DCAF8L2: variants seen among roughly 807,000 people sequenced by gnomAD.
DCAF8L2 encodes the protein DDB1- and CUL4-associated factor 8-like protein 2.
For synonymous variants in DCAF8L2, 200 were observed against 190.9 expected (o/e 1.05, Z -0.39); for missense variants, 430 against 490.7 (o/e 0.88, Z 1.17).
chrX:27,471,735 T>C, the DCAF8L2 span, among the ~76,000 whole-genome samples: 2 of 111,315 alleles, frequency 1.8e-5, no homozygotes. Context: ...ATTGTCTTAT[T>C]CTGCTCTCAT....
intron 2 of DCAF8L2, among the ~76,000 whole-genome samples, chrX:27,639,194 A>G: frequency 8.9e-6 from 1 of 112,079 alleles, no homozygotes; most frequent in Non-Finnish European, 1.9e-5. Context: ...ACAGAAAGAC[A>G]AACATTGCAT....
intron 2 of DCAF8L2, among the ~76,000 whole-genome samples, chrX:27,673,734 A>T (rs1369576461): frequency 9.2e-6 from 1 of 108,489 alleles, no homozygotes; most frequent in Non-Finnish European, 1.9e-5. Context: ...CATATACTAC[A>T]TGTATATGTC....
At chrX:27,653,617 T>C (rs1308476541) in intron 2 of DCAF8L2, among the ~76,000 whole-genome samples, 1 of 109,884 alleles carries the variant, frequency 9.1e-6, no homozygotes, top group East Asian at 2.9e-4. Flanking sequence ...TCCTACTGAG[T>C]ACACGTATAT....
chrX:27,590,991 T>TTATATATATATATATATA (rs10571931), intron 1 of DCAF8L2, among the ~76,000 whole-genome samples: 3,480 of 67,631 alleles, frequency 0.051, 190 homozygotes, highest in Non-Finnish European at 0.078. Context: ...CCTTTACATT[T>TTATATATATATATATATA]TATATATATA....
At chrX:27,673,731 T>A (rs1217379090) in intron 2 of DCAF8L2, among the ~76,000 whole-genome samples, 1 of 108,614 alleles carries the variant, frequency 9.2e-6, no homozygotes, top group Non-Finnish European at 1.9e-5. Context: ...ACACATATAC[T>A]ACATGTATAT....
At chrX:27,677,423 G>T (rs1930177758) in intron 2 of DCAF8L2, among the ~76,000 whole-genome samples, 1 of 112,040 alleles carries the variant, frequency 8.9e-6, no homozygotes, top group Non-Finnish European at 1.9e-5. Context: ...AATGTATTGA[G>T]AGCCTGTGAG....
the DCAF8L2 span, among the ~76,000 whole-genome samples, chrX:27,502,361 T>A: frequency 4.1e-4 from 27 of 65,366 alleles, 1 homozygote; most frequent in East Asian, 6.3e-3. Flanking sequence ...TATATATATA[T>A]ATATATATAT....
Position 27,609,730 on chromosome X carries a change from C to A in DCAF8L2, c.-342+19290C>A, listed in dbSNP as rs563490898. Among the ~76,000 whole-genome samples the A allele has an allele frequency of 2.4e-4, 27 of 111,247 alleles. No homozygotes were observed. The South Asian group carries it at 3.4e-3, about 14-fold the overall frequency. On this transcript the variant is annotated intron_variant, in intron 1 of 4. Coordinates refer to ENST00000451261, the MANE Select transcript of DCAF8L2 (RefSeq NM_001353450.2). ...TAGTTATTATTTTATAATAAGAAAC[C>A]AAAATACTGTTTTCCAGTAGAGAAC...
At chrX:27,503,442 T>A in the DCAF8L2 span, among the ~76,000 whole-genome samples, 1 of 111,871 alleles carries the variant, frequency 8.9e-6, no homozygotes, top group East Asian at 2.8e-4. Flanking sequence ...CTTGTGTATT[T>A]ACATCTGTGA....
the DCAF8L2 span, among the ~76,000 whole-genome samples, chrX:27,515,256 A>G: frequency 8.9e-6 from 1 of 112,406 alleles, no homozygotes; most frequent in Admixed American, 9.5e-5. Context: ...TACAACACAA[A>G]ATTATGCTAA....
intron 2 of DCAF8L2, among the ~76,000 whole-genome samples, chrX:27,648,525 A>T (rs1340404165): frequency 3.2e-5 from 1 of 31,602 alleles, no homozygotes; most frequent in African/African-American, 1.9e-4. Context: ...TGTATTATTT[A>T]TATATATATA....
the DCAF8L2 span, among the ~76,000 whole-genome samples, chrX:27,537,492 G>A: frequency 8.9e-6 from 1 of 112,236 alleles, no homozygotes; most frequent in African/African-American, 3.2e-5. Flanking sequence ...GAATTGAGAA[G>A]CTAAATTGTG....
chrX:27,502,657 G>C, the DCAF8L2 span, among the ~76,000 whole-genome samples: 3 of 109,594 alleles, frequency 2.7e-5, no homozygotes, highest in Non-Finnish European at 3.8e-5. Context: ...TAAAATCTAT[G>C]TTTAAAACTT....
the DCAF8L2 span, among the ~76,000 whole-genome samples, chrX:27,558,264 T>C: frequency 8.9e-6 from 1 of 112,012 alleles, no homozygotes; most frequent in Non-Finnish European, 1.9e-5. Flanking sequence ...GAAGCAGCCT[T>C]ACTTCCTCCT....
At chrX:27,696,258 A>AAGAG (rs1201774659) in intron 3 of DCAF8L2, among the ~76,000 whole-genome samples, 224 of 89,208 alleles carry the variant, frequency 2.5e-3, no homozygotes, top group Non-Finnish European at 4.3e-3. Context: ...GGAAGGAAGG[A>AAGAG]AGAGAGAGAG....
the DCAF8L2 span, among the ~76,000 whole-genome samples, chrX:27,522,104 C>T: frequency 8.9e-6 from 1 of 112,190 alleles, no homozygotes; most frequent in Admixed American, 9.5e-5. Context: ...CTCGGCTCAC[C>T]ACAAGCCCCG....
At chrX:27,565,030 G>T in the DCAF8L2 span, among the ~76,000 whole-genome samples, 2 of 108,562 alleles carry the variant, frequency 1.8e-5, no homozygotes, top group Non-Finnish European at 3.8e-5. Flanking sequence ...TTAATGTGTT[G>T]TTAAAACTAT....
chrX:27,518,006 A>G, the DCAF8L2 span: 2 of 1,097,880 alleles, frequency 1.8e-6, no homozygotes, highest in South Asian at 3.7e-5. Context: ...CTTAAACTAA[A>G]TAAAAAGGTG....
intron 4 of DCAF8L2, among the ~76,000 whole-genome samples, chrX:27,729,493 G>T (rs1166166956): frequency 1.8e-5 from 2 of 111,247 alleles, no homozygotes; most frequent in Non-Finnish European, 3.8e-5. Flanking sequence ...TAGTCCATTT[G>T]GCCTGCTGTA....
Sources: allele counts gnomAD v4.1 joint callset (sites outside exome capture counted in the v4.1 genomes callset), GRCh38; gene constraint gnomAD v4.1.1; transcripts MANE v1.5; gene names NCBI Gene and HGNC (gene_info 2026-07-23, HGNC 2026-07-21).